The following HMBOX1 variants were observed in gnomAD, a reference collection of about 807,000 sequenced individuals.
HMBOX1 encodes the protein homeobox-containing protein 1.
HMBOX1 carries 14 observed loss-of-function variants against 54.5 expected under a neutral mutation model. The ratio of observed to expected loss-of-function variants is 0.26; its 90% confidence interval spans 0.17 to 0.40. The LOEUF is 0.40. Ranked by LOEUF, HMBOX1 falls within the 10% of genes least tolerant of loss-of-function variation. HMBOX1 has a pLI of 1.00. For missense variants in HMBOX1, 332 were observed against 514.4 expected (o/e 0.65, Z 3.43); for synonymous variants, 160 against 181.0 (o/e 0.88, Z 0.93).
At chr8:28,914,999 A>G (rs949670294) in intron 1 of HMBOX1, among the ~76,000 whole-genome samples, 1 of 152,214 alleles carries the variant, frequency 6.6e-6, no homozygotes, top group Non-Finnish European at 1.5e-5. Flanking sequence ...AAACCAACAA[A>G]CTATAAAGGA....
chr8:28,909,332 TAA>T (rs1814965157), intron 1 of HMBOX1, among the ~76,000 whole-genome samples: 1 of 152,086 alleles, frequency 6.6e-6, no homozygotes, highest in South Asian at 2.1e-4. Flanking sequence ...TAAAATACAA[TAA>T]AAATGGGTAA....
In HMBOX1 at chr8:29,052,609, T is replaced by A. The variant is rs1172932811; in HGVS notation, c.*1454T>A. On this transcript the variant is annotated 3_prime_UTR_variant, in exon 10 of 10. Coordinates refer to ENST00000287701, the MANE Select transcript of HMBOX1 (RefSeq NM_001135726.3). Reference sequence around the variant, plus strand: ...CTAAAGTCACCCTGTGATCACCTTGTCATCTAGTAGCAAAATGATGAACTA... The same window carrying A: ...CTAAAGTCACCCTGTGATCACCTTGACATCTAGTAGCAAAATGATGAACTA... The A allele has an allele frequency of 6.6e-6, 1 of 152,176 alleles. No homozygotes were observed. The highest frequency in any genetic ancestry group is 1.5e-5 in the Non-Finnish European group (1 of 68,032). The allele number at this position is 152,176 out of a possible 1,614,324, so 9.4% of individuals were successfully genotyped here. A position where few individuals can be genotyped will look rare whatever the true frequency, so the allele number is the denominator to read the frequency against.
intron 4 of HMBOX1, among the ~76,000 whole-genome samples, chr8:28,989,060 G>T (rs1830558957): frequency 6.6e-6 from 1 of 152,004 alleles, no homozygotes; most frequent in Non-Finnish European, 1.5e-5. Context: ...ATCACAGGAG[G>T]TCGGCAGTTT....
chr8:28,942,038 T>G (rs1311367744), intron 1 of HMBOX1, among the ~76,000 whole-genome samples: 1 of 152,168 alleles, frequency 6.6e-6, no homozygotes, highest in Non-Finnish European at 1.5e-5. Context: ...GTGGTACCTA[T>G]CAATGCCACT....
chr8:28,930,803 T>C (rs1012132821), intron 1 of HMBOX1, among the ~76,000 whole-genome samples: 1 of 152,200 alleles, frequency 6.6e-6, no homozygotes, highest in Non-Finnish European at 1.5e-5. Context: ...AGTTGTAACA[T>C]ATATTTTTTA....
intron 6 of HMBOX1, among the ~76,000 whole-genome samples, chr8:29,032,968 CAAAA>C (rs1803247051): frequency 6.6e-6 from 1 of 152,032 alleles, no homozygotes; most frequent in African/African-American, 2.4e-5. Flanking sequence ...CAAAATGACT[CAAAA>C]AACAGGAAAA....
chr8:28,911,780 G>A (rs192944174), intron 1 of HMBOX1, among the ~76,000 whole-genome samples: 6 of 152,212 alleles, frequency 3.9e-5, no homozygotes, highest in Admixed American at 2.0e-4. Context: ...TGATTTGAGC[G>A]TCTATAGATT....
chr8:28,934,395 G>T (rs1162543613), intron 1 of HMBOX1, among the ~76,000 whole-genome samples: 2 of 152,068 alleles, frequency 1.3e-5, no homozygotes, highest in African/African-American at 4.8e-5. Flanking sequence ...TTTTCTCTTG[G>T]GACTGGCAGC....
intron 9 of HMBOX1, chr8:29,049,412 C>T (rs771515363): frequency 7.2e-6 from 11 of 1,529,764 alleles, no homozygotes; most frequent in Non-Finnish European, 9.6e-6. Context: ...ACACCATTCA[C>T]GACACACACT....
intron 1 of HMBOX1, among the ~76,000 whole-genome samples, chr8:28,957,134 A>G (rs1824603576): frequency 6.6e-6 from 1 of 152,208 alleles, no homozygotes; most frequent in Non-Finnish European, 1.5e-5. Flanking sequence ...TTGCAGCACT[A>G]TACACAATAG....
At chr8:28,962,566 A>C (rs1303692420) in intron 1 of HMBOX1, among the ~76,000 whole-genome samples, 2 of 152,196 alleles carry the variant, frequency 1.3e-5, no homozygotes, top group East Asian at 3.9e-4. Context: ...TACTGTGTTA[A>C]AGGCCAGCAA....
At chr8:28,991,027 G>A (rs529323433) in intron 4 of HMBOX1, among the ~76,000 whole-genome samples, 3 of 152,316 alleles carry the variant, frequency 2.0e-5, no homozygotes, top group South Asian at 4.1e-4. Flanking sequence ...AAGTTGGGAA[G>A]TGGTCCTTTC....
At chr8:28,960,680 G>C (rs1825308048) in intron 1 of HMBOX1, among the ~76,000 whole-genome samples, 1 of 142,400 alleles carries the variant, frequency 7.0e-6, no homozygotes, top group African/African-American at 2.6e-5. Flanking sequence ...ATGTTATTTG[G>C]TCTTTGTGTT....
At chr8:28,913,143 A>G (rs1488169225) in intron 1 of HMBOX1, among the ~76,000 whole-genome samples, 2 of 152,036 alleles carry the variant, frequency 1.3e-5, no homozygotes, top group African/African-American at 4.8e-5. Flanking sequence ...TCTCCTAATG[A>G]CACTCCCTAG....
chr8:28,912,433 C>T (rs909551049), intron 1 of HMBOX1, among the ~76,000 whole-genome samples: 4 of 152,190 alleles, frequency 2.6e-5, no homozygotes, highest in African/African-American at 9.6e-5. Flanking sequence ...TCTGTTTTCT[C>T]ATCTATAGAC....
intron 1 of HMBOX1, among the ~76,000 whole-genome samples, chr8:28,951,388 C>T (rs937089870): frequency 4.6e-5 from 7 of 152,202 alleles, no homozygotes; most frequent in Admixed American, 4.6e-4. Context: ...ACCTCAGCCT[C>T]CCAAAGTGCT....
chr8:28,926,467 A>G (rs961434215), intron 1 of HMBOX1, among the ~76,000 whole-genome samples: 2 of 152,216 alleles, frequency 1.3e-5, no homozygotes, highest in Non-Finnish European at 2.9e-5. Flanking sequence ...TAACAACCTC[A>G]TGACTTATTC....
chr8:29,039,273 A>G (rs1039843093), intron 6 of HMBOX1, among the ~76,000 whole-genome samples: 1 of 152,194 alleles, frequency 6.6e-6, no homozygotes, highest in Non-Finnish European at 1.5e-5. Flanking sequence ...AGGTGATTAA[A>G]ATGAATGATT....
Position 28,920,891 on chromosome 8 carries a change from A to G in HMBOX1, c.-58+30213A>G, listed in dbSNP as rs545002900. ...TTATTTTACTTTATATCTGACTTAA[A>G]GAATAACATACTCTAACATAAACCA... is the stretch of plus-strand genomic sequence containing the variant. On this transcript the variant is annotated intron_variant, in intron 1 of 9. Coordinates refer to ENST00000287701, the MANE Select transcript of HMBOX1 (RefSeq NM_001135726.3). Among the ~76,000 whole-genome samples the G allele has an allele frequency of 3.3e-4, 50 of 152,364 alleles. 1 individual carries two copies. In the Middle Eastern group the frequency reaches 0.037, roughly 114 times the overall value.
Sources: allele counts gnomAD v4.1 joint callset (sites outside exome capture counted in the v4.1 genomes callset), GRCh38; gene constraint gnomAD v4.1.1; transcripts MANE v1.5; gene names NCBI Gene and HGNC (gene_info 2026-07-23, HGNC 2026-07-21).